GALNT17: variants seen among roughly 807,000 people sequenced by gnomAD.
GALNT17 encodes UDP-GalNAc:polypeptide N-acetylgalactosaminyltransferase-like 3.
Under a neutral mutation model 63.7 loss-of-function variants are expected in GALNT17, and 29 were observed. That is an observed-to-expected ratio of 0.46 (90% CI 0.34 to 0.62). The LOEUF (loss-of-function observed/expected upper bound fraction) is 0.62. Among genes scored for constraint, GALNT17 ranks in the 20% least tolerant of loss-of-function variants. GALNT17 has a pLI of 0.01. For missense variants in GALNT17, 603 were observed against 799.6 expected (o/e 0.75, Z 2.97); for synonymous variants, 305 against 318.3 (o/e 0.96, Z 0.45).
At chr7:71,529,912 T>C (rs1317792193) in intron 5 of GALNT17, among the ~76,000 whole-genome samples, 4 of 152,238 alleles carry the variant, frequency 2.6e-5, no homozygotes, top group Admixed American at 2.6e-4. Context: ...TGGGCTTTTC[T>C]AGGGAAAGCT....
chr7:71,275,969 C>G (rs1424782674), intron 1 of GALNT17, among the ~76,000 whole-genome samples: 1 of 152,200 alleles, frequency 6.6e-6, no homozygotes, highest in Non-Finnish European at 1.5e-5. Flanking sequence ...GCTACTTATA[C>G]CCCTGGCCTA....
chr7:71,479,561 C>G (rs1272777560), intron 5 of GALNT17, among the ~76,000 whole-genome samples: 1 of 152,116 alleles, frequency 6.6e-6, no homozygotes, highest in Admixed American at 6.5e-5. Flanking sequence ...CGAAGTTTCT[C>G]TAATTCAGTC....
intron 1 of GALNT17, among the ~76,000 whole-genome samples, chr7:71,292,668 AGTGTGTGTGTGTGTGTGT>A (rs201057078): frequency 1.5e-5 from 1 of 67,372 alleles, no homozygotes; most frequent in Non-Finnish European, 3.6e-5. Flanking sequence ...AGAGAGAGAG[AGTGTGTGTGTGTGTGTGT>A]GTGTGTGTGT....
chr7:71,685,756 A>G (rs1791343973), intron 9 of GALNT17: 1 of 152,128 alleles, frequency 6.6e-6, no homozygotes, highest in South Asian at 2.1e-4. Flanking sequence ...CCAAGTGAGC[A>G]TCTATTTAGG....
chr7:71,518,081 AGAG>A (rs1562672938), intron 5 of GALNT17, among the ~76,000 whole-genome samples: 1 of 152,186 alleles, frequency 6.6e-6, no homozygotes, highest in Admixed American at 6.5e-5. Context: ...GAGAAGAAAA[AGAG>A]GACAGGGCCA....
chr7:71,566,610 C>T (rs1789352447), intron 5 of GALNT17, among the ~76,000 whole-genome samples: 1 of 151,856 alleles, frequency 6.6e-6, no homozygotes, highest in Admixed American at 6.6e-5. Flanking sequence ...CTGATTCCGG[C>T]TCTTCCAGAA....
chr7:71,504,184 G>A (rs1415009216), intron 5 of GALNT17, among the ~76,000 whole-genome samples: 2 of 150,008 alleles, frequency 1.3e-5, no homozygotes, highest in South Asian at 2.1e-4. Flanking sequence ...CCGAGATTGT[G>A]CCACTGCACT....
chr7:71,347,269 A>G (rs1024030199), intron 2 of GALNT17, among the ~76,000 whole-genome samples: 2 of 152,200 alleles, frequency 1.3e-5, no homozygotes, highest in African/African-American at 4.8e-5. Flanking sequence ...TCTAACTTCT[A>G]ATCTCAGCTT....
intron 2 of GALNT17, among the ~76,000 whole-genome samples, chr7:71,355,602 G>C (rs1419303653): frequency 2.0e-5 from 3 of 151,776 alleles, no homozygotes; most frequent in Non-Finnish European, 4.4e-5. Flanking sequence ...GCATGATCTC[G>C]GCCCACTGCA....
intron 6 of GALNT17, among the ~76,000 whole-genome samples, chr7:71,600,145 G>A (rs1789944559): frequency 6.6e-6 from 1 of 151,474 alleles, no homozygotes; most frequent in Non-Finnish European, 1.5e-5. Context: ...AATCTTAGAT[G>A]TTATAGTGGT....
chr7:71,592,613 C>G, intron 6 of GALNT17, among the ~76,000 whole-genome samples: 1 of 66,994 alleles, frequency 1.5e-5, no homozygotes, highest in South Asian at 4.4e-4. Flanking sequence ...ATAAATAAAG[C>G]ATGCAGAGTG....
At chr7:71,670,296 A>G (rs1464372356) in intron 8 of GALNT17, among the ~76,000 whole-genome samples, 187 bp downstream of exon 8, 1 of 152,180 alleles carries the variant, frequency 6.6e-6, no homozygotes, top group African/African-American at 2.4e-5. Context: ...GAATGTTACA[A>G]TGGACTATGG....
At chr7:71,382,912 C>T (rs61641251) in intron 2 of GALNT17, among the ~76,000 whole-genome samples, 7,165 of 152,164 alleles carry the variant, frequency 0.047, 244 homozygotes, top group African/African-American at 0.094. Context: ...GCATTAAGCA[C>T]GTTTACATTG....
intron 3 of GALNT17, among the ~76,000 whole-genome samples, chr7:71,409,017 A>ACACAC (rs374011039): frequency 7.6e-5 from 11 of 144,868 alleles, no homozygotes; most frequent in Admixed American, 4.9e-4. Context: ...CACATACACA[A>ACACAC]ACACACACAC....
intron 6 of GALNT17, among the ~76,000 whole-genome samples, chr7:71,660,366 T>C (rs960806972): frequency 1.3e-5 from 2 of 152,304 alleles, no homozygotes; most frequent in African/African-American, 4.8e-5. Context: ...CTCCACTGTG[T>C]GAGGAGCCAC....
rs542136452 is a variant in GALNT17 at position 71,245,848 on chromosome 7, G to GTTTTTTTTTTTTTTTTTTTTT, written c.239-89686_239-89685insTTTTTTTTTTTTTTTTTTTTT. 7.7e-4 allele frequency among the ~76,000 whole-genome samples: 95 copies of GTTTTTTTTTTTTTTTTTTTTT among 122,876 alleles called. 1 individual carries two copies. Among genetic ancestry groups the GTTTTTTTTTTTTTTTTTTTTT allele is most frequent in the Non-Finnish European group, 1.0e-3 (59 of 56,768 alleles). The allele number at this position is 122,876 out of a possible 152,430, so 80.6% of individuals were successfully genotyped here. ...AGGTCTGCAGAGAGCAAGAGAGCAGGTTTTTTTTTTTTTTTTGCAAAGGTA... is the reference window on the plus strand; with the variant it reads ...AGGTCTGCAGAGAGCAAGAGAGCAGGTTTTTTTTTTTTTTTTTTTTTTTTTTTTTTTTTTTTTGCAAAGGTA... On this transcript the variant is annotated intron_variant, in intron 1 of 10. Transcript: ENST00000333538.
At position 71,542,795 on chromosome 7, in the gene GALNT17, T is replaced by A. The variant is rs571808193; in HGVS notation, c.963-28490T>A. ...AGGGATTTGCATTCTACTTTCCTTG[T>A]CCCTTTGAGAATTAAAATATACAGC... On this transcript the variant is annotated intron_variant, in intron 5 of 10. Coordinates refer to ENST00000333538, the MANE Select transcript of GALNT17 (RefSeq NM_022479.3). 1.1e-4 allele frequency among the ~76,000 whole-genome samples: 17 copies of A among 151,978 alleles called. No individual in the cohort carries two copies. In the South Asian group the frequency reaches 3.1e-3, roughly 28 times the overall value.
chr7:71,398,284 CT>C (rs1793176290), intron 3 of GALNT17, among the ~76,000 whole-genome samples: 1 of 151,956 alleles, frequency 6.6e-6, no homozygotes, highest in Admixed American at 6.6e-5. Flanking sequence ...CTCTAATTTT[CT>C]TATTTTTCTC....
chr7:71,467,921 G>A (rs1787563765), intron 5 of GALNT17, among the ~76,000 whole-genome samples: 1 of 152,158 alleles, frequency 6.6e-6, no homozygotes, highest in African/African-American at 2.4e-5. Context: ...AAATTACACG[G>A]GCATCCTGGG....
Sources: gnomAD v4.1 joint callset for allele counts (sites outside exome capture counted in the v4.1 genomes callset) on GRCh38, gnomAD v4.1.1 for gene constraint, MANE v1.5 for transcripts, NCBI Gene and HGNC (gene_info 2026-07-23, HGNC 2026-07-21) for gene names.